Variants in FZD3 observed in about 807,000 individuals in gnomAD.
FZD3 encodes the protein frizzled class receptor 3.
In FZD3, 30 loss-of-function variants were observed where a neutral mutation model predicts 60.7. That is an observed-to-expected ratio of 0.49 (90% CI 0.37 to 0.67). The LOEUF (loss-of-function observed/expected upper bound fraction) is 0.67. FZD3 is among the 30% of genes least tolerant of loss of function. The pLI is 0.00. For synonymous variants in FZD3, 246 were observed against 275.2 expected (o/e 0.89, Z 1.05); for missense variants, 605 against 838.7 (o/e 0.72, Z 3.44).
chr8:28,551,793 T>A, intron 6 of FZD3, 42 bp downstream of exon 6: 1 of 1,508,176 alleles, frequency 6.6e-7, no homozygotes, highest in Non-Finnish European at 9.0e-7. Context: ...AAACCTCACA[T>A]TTACGTAAAT....
intron 3 of FZD3, among the ~76,000 whole-genome samples, chr8:28,516,392 C>T (rs1804426315): frequency 6.6e-6 from 1 of 152,098 alleles, no homozygotes; most frequent in South Asian, 2.1e-4. Context: ...TCTTGTAATT[C>T]CATATGAATT....
chr8:28,537,683 A>C (rs547204446), intron 5 of FZD3, among the ~76,000 whole-genome samples: 12 of 152,174 alleles, frequency 7.9e-5, no homozygotes, highest in Non-Finnish European at 1.8e-4. Flanking sequence ...GTATTATTCT[A>C]TGTCATCTTT....
intron 3 of FZD3, among the ~76,000 whole-genome samples, chr8:28,503,663 T>C (rs1007223113): frequency 1.3e-5 from 2 of 152,248 alleles, no homozygotes; most frequent in African/African-American, 4.8e-5. Flanking sequence ...GACACATTAA[T>C]TGATATAGTT....
rs531587598 is a variant in FZD3 at position 28,508,484 on chromosome 8, G to A, written c.189+5282G>A. Reference sequence around the variant, plus strand: ...ATCATGAGTTTATACTGATACTTGCGATTCAAGTAATATTGCAGGGTGTTG... The same window carrying A: ...ATCATGAGTTTATACTGATACTTGCAATTCAAGTAATATTGCAGGGTGTTG... On this transcript the variant is annotated intron_variant, in intron 3 of 7. Transcript: ENST00000240093. Among the ~76,000 whole-genome samples the A allele has an allele frequency of 3.5e-5, 5 of 141,852 alleles. No individual in the cohort carries two copies. In the South Asian group the frequency reaches 8.9e-4, roughly 25 times the overall value. The allele number at this position is 141,852 out of a possible 152,430, so 93.1% of individuals were successfully genotyped here.
intron 5 of FZD3, among the ~76,000 whole-genome samples, chr8:28,537,008 T>C (rs903557855): frequency 1.2e-4 from 18 of 152,334 alleles, no homozygotes; most frequent in Middle Eastern, 3.4e-3. Context: ...GTAGTACTAC[T>C]AACCTTTTTT....
chr8:28,534,752 ATTTG>A (rs746802719), intron 5 of FZD3, among the ~76,000 whole-genome samples: 2 of 152,166 alleles, frequency 1.3e-5, no homozygotes, highest in Non-Finnish European at 2.9e-5. Context: ...GGATATTAAT[ATTTG>A]TTTTTGTTCA....
chr8:28,515,474 TG>T (rs1313026582), intron 3 of FZD3, among the ~76,000 whole-genome samples: 1 of 152,212 alleles, frequency 6.6e-6, no homozygotes, highest in African/African-American at 2.4e-5. Context: ...TTTTATATGT[TG>T]GCATACTTCT....
intron 3 of FZD3, among the ~76,000 whole-genome samples, chr8:28,507,912 C>T (rs1300941776): frequency 6.6e-6 from 1 of 151,890 alleles, no homozygotes; most frequent in Non-Finnish European, 1.5e-5. Context: ...TTGTTTTTGA[C>T]ACAAGGTCTT....
chr8:28,568,305 T>C lies in FZD3; in HGVS notation c.*5294T>C, dbSNP rs1016574199. The C allele has an allele frequency of 5.3e-5, 8 of 152,182 alleles. No homozygotes were observed. Among genetic ancestry groups the C allele is most frequent in the African/African-American group, 1.9e-4 (8 of 41,454 alleles). 9.4% of individuals were successfully genotyped at this position (152,182 alleles called of 1,614,324 possible). ...ACATTATTCTTATATAATTTTGACC[T>C]ATTTTATATGAAAATAATTGTATTG... On this transcript the variant is annotated 3_prime_UTR_variant, in exon 8 of 8. Transcript: ENST00000240093.
chr8:28,539,328 T>G (rs555555547), intron 5 of FZD3, among the ~76,000 whole-genome samples: 26 of 152,338 alleles, frequency 1.7e-4, no homozygotes, highest in African/African-American at 6.0e-4. Flanking sequence ...AGTTCATCTT[T>G]TCTCCACTGA....
intron 5 of FZD3, 90 bp downstream of exon 5, chr8:28,528,254 A>C: frequency 1.0e-6 from 1 of 975,402 alleles, no homozygotes; most frequent in Non-Finnish European, 1.5e-6. Context: ...TGTTTTTTGA[A>C]ATGTCATGAA....
intron 7 of FZD3, among the ~76,000 whole-genome samples, chr8:28,558,783 A>G (rs1805561324): frequency 6.6e-6 from 1 of 152,196 alleles, no homozygotes; most frequent in Admixed American, 6.5e-5. Context: ...TATAATACCT[A>G]TGCACGTGGC....
rs146983850 is a variant in FZD3 at position 28,557,885 on chromosome 8, A to G, written c.1787+1914A>G. Reference sequence around the variant, plus strand: ...TCAATTACAATACACTTCAATAGGTATAGTAAAAATATGTACAGGGTGCAT... The same window carrying G: ...TCAATTACAATACACTTCAATAGGTGTAGTAAAAATATGTACAGGGTGCAT... On this transcript the variant is annotated intron_variant, in intron 7 of 7. Coordinates refer to ENST00000240093, the MANE Select transcript of FZD3 (RefSeq NM_017412.4). Among the ~76,000 whole-genome samples the G allele has an allele frequency of 1.7e-3, 265 of 152,380 alleles. 3 individuals carry two copies. The highest frequency in any genetic ancestry group is 6.1e-3 in the African/African-American group (252 of 41,602).
In FZD3 at chr8:28,527,453, C is replaced by T. The variant is rs1563392601; in HGVS notation, c.693C>T (p.Phe231=). 1 of 1,613,280 alleles carries T rather than the reference C, an allele frequency of 6.2e-7. No homozygotes were observed. The highest frequency in any genetic ancestry group is 2.2e-5 in the East Asian group (1 of 44,882). Residue 231 remains phenylalanine (F), a synonymous_variant, in exon 5 of 8, where the codon TTC becomes TTT. Coordinates refer to ENST00000240093, the MANE Select transcript of FZD3 (RefSeq NM_017412.4). This position sits in a 1 kb window ranked among gnomAD's most constrained non-coding sequence, Gnocchi z 5.0. The part of the protein sequence containing the change: ...FLTFLIDVTR[F]RYPERPIIFY... Reference sequence around the variant, plus strand: ...CTTTTTTGATTGATGTCACAAGATTCCGTTATCCTGAAAGGCCTATTATAT... The same window carrying T: ...CTTTTTTGATTGATGTCACAAGATTTCGTTATCCTGAAAGGCCTATTATAT...
chr8:28,553,872 C>A (rs1271372503), intron 6 of FZD3, among the ~76,000 whole-genome samples: 3 of 152,326 alleles, frequency 2.0e-5, no homozygotes, highest in Admixed American at 6.5e-5. Flanking sequence ...AAGCACTGTT[C>A]TAAGCACTTT....
chr8:28,531,694 G>T (rs77750342), intron 5 of FZD3, among the ~76,000 whole-genome samples: 4,307 of 152,176 alleles, frequency 0.028, 73 homozygotes, highest in Middle Eastern at 0.051. Flanking sequence ...TATACGTAAG[G>T]TTGAATGTGT....
Position 28,499,668 on chromosome 8 carries a change from C to T in FZD3, c.-390-265C>T, listed in dbSNP as rs137857749. On this transcript the variant is annotated intron_variant, in intron 1 of 7. Transcript: ENST00000240093. ...TGAAGGTGTTCTTTACCCTGTACTC[C>T]CACCCTATACTGTGTTCTATCATTA... Among the ~76,000 whole-genome samples the T allele has an allele frequency of 1.8e-3, 267 of 152,012 alleles. 3 individuals are homozygous for T. The highest frequency in any genetic ancestry group is 6.1e-3 in the African/African-American group (253 of 41,466).
chr8:28,495,809 G>A (rs895070161), intron 1 of FZD3, among the ~76,000 whole-genome samples: 1 of 152,066 alleles, frequency 6.6e-6, no homozygotes, highest in East Asian at 1.9e-4. Context: ...AAGAGCTGAA[G>A]ATAAAATATA....
At position 28,562,803 on chromosome 8, in the gene FZD3, C is replaced by T. The variant is rs747898192; in HGVS notation, c.1793C>T (p.Thr598Met). ...SLHRSRDGRY[T>M]PCSYRGMEER... ...AAAATAAACTCTCATGACAGGTACA[C>T]GCCCTGCAGTTACAGAGGAATGGAG... is the stretch of plus-strand genomic sequence containing the variant. The change falls in exon 8 of 8, where the codon ACG (threonine) becomes ATG (methionine). Residue 598 changes from threonine (T) to methionine (M), a missense_variant. Thr to Met is a moderately conservative substitution (Grantham distance 81). Coordinates refer to ENST00000240093, the MANE Select transcript of FZD3 (RefSeq NM_017412.4). 12 of 1,593,710 alleles carry T rather than the reference C, an allele frequency of 7.5e-6. No homozygotes were observed. The highest frequency in any genetic ancestry group is 9.4e-6 in the Non-Finnish European group (11 of 1,164,130).
Sources: gnomAD v4.1 joint callset for allele counts (sites outside exome capture counted in the v4.1 genomes callset) on GRCh38, gnomAD v4.1.1 for gene constraint, Gnocchi (gnomAD v3.1) non-coding constraint, MANE v1.5 for transcripts, NCBI Gene and HGNC (gene_info 2026-07-23, HGNC 2026-07-21) for gene names.